The following COL6A5 variants were observed in gnomAD, a reference collection of about 807,000 sequenced individuals.
The protein encoded by COL6A5 is collagen type VI alpha 5 chain, also known as collagen alpha-5(VI) chain.
A neutral mutation model predicts 65.6 loss-of-function variants in COL6A5; 48 were observed. That is an observed-to-expected ratio of 0.73 (90% CI 0.58 to 0.93). COL6A5 has a LOEUF of 0.93. COL6A5 is among the 40% of genes least tolerant of loss of function. The pLI, the probability that COL6A5 is intolerant of heterozygous loss-of-function variation, is 0.00. For synonymous variants in COL6A5, 291 were observed against 322.8 expected (o/e 0.90, Z 1.05); for missense variants, 914 against 928.3 (o/e 0.98, Z 0.20).
chr3:130,397,138 A>AT (rs1238023659), intron 8 of COL6A5, among the ~76,000 whole-genome samples: 1 of 152,176 alleles, frequency 6.6e-6, no homozygotes, highest in Non-Finnish European at 1.5e-5. Context: ...AAGTGCTGGG[A>AT]TTACAGGCTT....
chr3:130,429,585 G>A, upstream of COL6A5: 1 of 1,547,036 alleles, frequency 6.5e-7, no homozygotes, highest in Non-Finnish European at 8.7e-7. Flanking sequence ...TGCTGGAAAG[G>A]TGAGTATTCT....
At chr3:130,394,105 T>C (rs16827246) in intron 7 of COL6A5, among the ~76,000 whole-genome samples, 11,611 of 152,272 alleles carry the variant, frequency 0.076, 529 homozygotes, top group Middle Eastern at 0.12. Context: ...TGGTTGGAAA[T>C]GAGTATAGAA....
chr3:130,416,772 A>T (rs916370786), exon 24 of COL6A5: 7 of 1,536,926 alleles, frequency 4.6e-6, no homozygotes, highest in African/African-American at 1.4e-5. Context: ...TCCTGGGCTA[A>T]TGGGAGCTAA....
rs568435669 is a variant in COL6A5 at position 130,365,895 on chromosome 3, G to A, written c.-28-7716G>A. The stretch of plus-strand genomic sequence containing the variant: ...ATTTTTAATAGCTCTCTAGTGTGCA[G>A]CCAAAATTGAGAATCACCAGCCCAC... On this transcript the variant is annotated intron_variant and NMD_transcript_variant, in intron 1 of 41. Transcript: ENST00000312481. 8.5e-5 allele frequency among the ~76,000 whole-genome samples: 13 copies of A among 152,318 alleles called. No individual in the cohort carries two copies. In the South Asian group the frequency reaches 2.7e-3, roughly 32 times the overall value.
At chr3:130,445,875 A>G (rs1416646490) in intron 4 of COL6A5, among the ~76,000 whole-genome samples, 1 of 152,128 alleles carries the variant, frequency 6.6e-6, no homozygotes, top group East Asian at 1.9e-4. Context: ...GTCATTTTTT[A>G]ATATTACTGC....
intron 17 of COL6A5, 127 bp from the exon 18 acceptor site, chr3:130,409,199 G>A (rs1298008199): frequency 6.4e-6 from 4 of 625,022 alleles, no homozygotes; most frequent in Non-Finnish European, 1.1e-5. Flanking sequence ...AAGTCTGAGG[G>A]AATCTGACTG....
chr3:130,364,786 T>C (rs927960330), intron 1 of COL6A5, among the ~76,000 whole-genome samples: 13 of 152,202 alleles, frequency 8.5e-5, no homozygotes, highest in African/African-American at 2.9e-4. Flanking sequence ...GAACCATCAA[T>C]AGAGGCCCTA....
upstream of COL6A5, among the ~76,000 whole-genome samples, chr3:130,430,372 CTAAA>C (rs2107692855): frequency 1.3e-5 from 2 of 152,242 alleles, no homozygotes; most frequent in Admixed American, 1.3e-4. Flanking sequence ...AAACACTTCT[CTAAA>C]TGAATACTTC....
At chr3:130,421,115 C>T (rs2107684304) in intron 25 of COL6A5, 38 bp from the exon 26 acceptor site, 2 of 1,534,876 alleles carry the variant, frequency 1.3e-6, no homozygotes, top group Non-Finnish European at 1.8e-6. Context: ...TTAATTTCCA[C>T]CTTTGAGAAA....
rs145397550 is a variant in COL6A5, at chr3:130,383,544, C to T, written c.1301-1260C>T. The stretch of plus-strand genomic sequence containing the variant: ...ATCAACCCTGTCTTTTGCAGATAAC[C>T]GCTTATCTTTGCCCTAATGCTTTAT... On this transcript the variant is annotated intron_variant and NMD_transcript_variant, in intron 4 of 41. Transcript: ENST00000312481. Among the ~76,000 whole-genome samples, 594 of 152,122 alleles carry T rather than the reference C, an allele frequency of 3.9e-3. 5 individuals carry two copies. Among genetic ancestry groups the T allele is most frequent in the African/African-American group, 0.013 (557 of 41,534 alleles).
exon 4 of COL6A5, chr3:130,379,429 A>G (rs765940658): frequency 7.9e-5 from 122 of 1,550,802 alleles, no homozygotes; most frequent in Non-Finnish European, 9.8e-5. Context: ...TCACTTCCCC[A>G]TATCCTGTCA....
intron 6 of COL6A5, among the ~76,000 whole-genome samples, chr3:130,469,723 A>G (rs534382657): frequency 1.3e-5 from 2 of 152,192 alleles, no homozygotes; most frequent in African/African-American, 4.8e-5. Flanking sequence ...CTTTAGCCCT[A>G]ACCCGTGAGT....
intron 4 of COL6A5, among the ~76,000 whole-genome samples, chr3:130,447,319 G>A (rs939439138): frequency 7.2e-5 from 11 of 152,248 alleles, no homozygotes; most frequent in African/African-American, 2.6e-4. Context: ...TTGCCATAAA[G>A]CATTAGCAGT....
chr3:130,413,506 A>T, intron 20 of COL6A5, 39 bp from the exon 21 acceptor site: 1 of 1,536,262 alleles, frequency 6.5e-7, no homozygotes, highest in Non-Finnish European at 8.8e-7. Context: ...CCCTCCATTC[A>T]GACATCCACA....
chr3:130,395,307 T>C (rs1936556212), exon 8 of COL6A5: 1 of 1,551,592 alleles, frequency 6.4e-7, no homozygotes, highest in Non-Finnish European at 8.7e-7. Context: ...GGAATTTGTG[T>C]CCTGGTTTTG....
chr3:130,443,183 T>G (rs867559917), intron 3 of COL6A5, among the ~76,000 whole-genome samples: 1 of 152,156 alleles, frequency 6.6e-6, no homozygotes, highest in Admixed American at 6.6e-5. Flanking sequence ...TTAGATTATG[T>G]TAGCCTGAGC....
chr3:130,372,229 T>C (rs1477445904), intron 1 of COL6A5, among the ~76,000 whole-genome samples: 1 of 152,138 alleles, frequency 6.6e-6, no homozygotes, highest in East Asian at 1.9e-4. Flanking sequence ...TGTAAAATAG[T>C]GTGGCCACTT....
intron 8 of COL6A5, among the ~76,000 whole-genome samples, chr3:130,396,617 A>G (rs1327203229): frequency 1.3e-5 from 2 of 152,224 alleles, no homozygotes; most frequent in African/African-American, 2.4e-5. Flanking sequence ...AAAAATGTTG[A>G]CATCAGGCTC....
rs552607889 is a variant in COL6A5 at position 130,453,752 on chromosome 3, A to G, written c.1333-1703A>G. Among the ~76,000 whole-genome samples the G allele has an allele frequency of 1.7e-3, 255 of 152,110 alleles. 1 individual carries two copies. Among genetic ancestry groups the G allele is most frequent in the African/African-American group, 5.8e-3 (242 of 41,512 alleles). The stretch of plus-strand genomic sequence containing the variant: ...GTGAAAGCCCAGGTTTAGGCCCATA[A>G]TCACCCCATCTTCTCAAATTGCAAT... On this transcript the variant is annotated intron_variant, in intron 4 of 7. Coordinates refer to ENST00000512836, the Ensembl canonical transcript of COL6A5.
Sources: allele counts gnomAD v4.1 joint callset (sites outside exome capture counted in the v4.1 genomes callset), GRCh38; gene constraint gnomAD v4.1.1; transcripts MANE v1.5; gene names NCBI Gene and HGNC (gene_info 2026-07-23, HGNC 2026-07-21).